LPAR1: variants seen among roughly 807,000 people sequenced by gnomAD.
LPAR1 encodes the protein LPA receptor 1.
LPAR1 carries 5 observed loss-of-function variants against 23.8 expected under a neutral mutation model. The observed-to-expected ratio is 0.21, with a 90% CI of 0.11 to 0.44. LPAR1 has a LOEUF of 0.44. Ranked by LOEUF, LPAR1 falls within the 20% of genes least tolerant of loss-of-function variation. The pLI is 0.99. For missense variants in LPAR1, 311 were observed against 482.8 expected, an observed-to-expected ratio of 0.64 and a Z score of 3.33; for synonymous variants, 160 against 164.7, an observed-to-expected ratio of 0.97 and a Z score of 0.22.
At chr9:110,934,354 T>A (rs538262996) in intron 5 of LPAR1, 4 of 152,074 alleles carry the variant, frequency 2.6e-5, no homozygotes, top group African/African-American at 9.7e-5. Flanking sequence ...CACTCGCCAC[T>A]CCCTTTAATG....
intron 2 of LPAR1, among the ~76,000 whole-genome samples, chr9:111,032,721 T>C (rs1588961117): frequency 6.6e-6 from 1 of 152,326 alleles, no homozygotes; most frequent in Middle Eastern, 3.4e-3. Context: ...ATCTAGAGCA[T>C]TGTTTAGACA....
intron 4 of LPAR1, among the ~76,000 whole-genome samples, chr9:110,966,588 C>T (rs1210058678): frequency 6.6e-6 from 1 of 151,660 alleles, no homozygotes; most frequent in Non-Finnish European, 1.5e-5. Context: ...ACATGTATCC[C>T]AGAACTTAAA....
intron 5 of LPAR1, among the ~76,000 whole-genome samples, chr9:110,913,895 G>C (rs545958803): frequency 2.9e-4 from 44 of 152,126 alleles, no homozygotes; most frequent in Non-Finnish European, 2.1e-4. Context: ...AAGTTCAATG[G>C]GTGCCTGCTA....
At chr9:110,877,852 T>A (rs547116) in intron 5 of LPAR1, among the ~76,000 whole-genome samples, 61,862 of 152,022 alleles carry the variant, frequency 0.41, 12,858 homozygotes, top group East Asian at 0.55. Flanking sequence ...CTTTATTCTC[T>A]CATACTTAAG....
intron 2 of LPAR1, among the ~76,000 whole-genome samples, chr9:111,030,045 CAA>C (rs56962960): frequency 0.036 from 2,673 of 75,204 alleles, 26 homozygotes; most frequent in African/African-American, 0.088. Flanking sequence ...GGCTCTGCCT[CAA>C]AAAAAAAAAA....
chr9:110,965,732 G>C lies in LPAR1; in HGVS notation c.45+6341C>G, dbSNP rs184787614. 7.2e-4 allele frequency among the ~76,000 whole-genome samples: 109 copies of C among 152,300 alleles called. 1 individual carries two copies. In the East Asian group the frequency reaches 0.014, roughly 19 times the overall value. On this transcript the variant is annotated intron_variant, in intron 4 of 5. Transcript: ENST00000683809. The stretch of plus-strand genomic sequence containing the variant: ...AGTGTGGTGATTCCTCAAGGATGTA[G>C]AACCAGAAATACCATCTGACCCAGC...
At chr9:111,026,355 T>C (rs565961121) in intron 2 of LPAR1, among the ~76,000 whole-genome samples, 8 of 152,366 alleles carry the variant, frequency 5.3e-5, no homozygotes, top group African/African-American at 1.9e-4. Flanking sequence ...TAGGAATGCT[T>C]GTGATTTTTG....
chr9:110,876,501 A>G (rs1034061853), intron 5 of LPAR1, among the ~76,000 whole-genome samples: 9 of 152,222 alleles, frequency 5.9e-5, no homozygotes, highest in African/African-American at 2.2e-4. Flanking sequence ...AGAAACTAAT[A>G]TCCCCATTGT....
At chr9:110,987,278 T>C (rs2096802381) in intron 2 of LPAR1, among the ~76,000 whole-genome samples, 1 of 151,558 alleles carries the variant, frequency 6.6e-6, no homozygotes, top group Admixed American at 6.6e-5. Context: ...ATTCAACTAT[T>C]ATATATCTAT....
At chr9:110,972,385 C>T (rs2096452306) in intron 3 of LPAR1, among the ~76,000 whole-genome samples, 165 bp from the exon 4 acceptor site, 1 of 152,190 alleles carries the variant, frequency 6.6e-6, no homozygotes. Context: ...AAAGCCACGA[C>T]TTCTGTGCTA....
chr9:111,021,963 C>CAAA (rs3030187), intron 2 of LPAR1, among the ~76,000 whole-genome samples: 14 of 69,842 alleles, frequency 2.0e-4, no homozygotes, highest in African/African-American at 5.2e-4. Flanking sequence ...GACTCCGTCA[C>CAAA]AAAAAAAAAA....
chr9:110,954,260 G>A (rs1377164455), intron 4 of LPAR1, among the ~76,000 whole-genome samples: 1 of 151,906 alleles, frequency 6.6e-6, no homozygotes, highest in Non-Finnish European at 1.5e-5. Flanking sequence ...CATAACCCAG[G>A]CAGACCAAAA....
rs769282124 is a variant in LPAR1, at chr9:110,941,477, G to A, written c.737C>T (p.Pro246Leu). 1 of 1,613,956 alleles carries A rather than the reference G, an allele frequency of 6.2e-7. No homozygotes were observed. Among genetic ancestry groups the A allele is most frequent in the Non-Finnish European group, 8.5e-7 (1 of 1,179,938 alleles). Residue 246 changes from proline to leucine, a missense_variant, in exon 5 of 6, where the codon CCC becomes CTC. Physicochemically the swap from Pro to Leu is moderately conservative, Grantham distance 98. Around this residue, in one of 2 missense-constraint regions of LPAR1, gnomAD observed 250 missense variants for 427.2 expected, o/e 0.59. Transcript: ENST00000683809. This position sits in a 1 kb window ranked among gnomAD's most constrained non-coding sequence, Gnocchi z 6.1. ...CATCATGGTATCCCGATTCCGCCGG[G>A]GTCCAGAACTATGCCGAGACATTCT... Reference protein sequence around the residue: ...TMRMSRHSSGPRRNRDTMMSL... With the variant: ...TMRMSRHSSGLRRNRDTMMSL...
chr9:110,901,387 G>T (rs147926414), intron 5 of LPAR1, among the ~76,000 whole-genome samples: 1 of 152,150 alleles, frequency 6.6e-6, no homozygotes, highest in Non-Finnish European at 1.5e-5. Context: ...GCATGTATTA[G>T]TCTGTTCTCA....
At chr9:110,942,786 G>A (rs2095197081) in intron 4 of LPAR1, among the ~76,000 whole-genome samples, 1 of 152,092 alleles carries the variant, frequency 6.6e-6, no homozygotes, top group African/African-American at 2.4e-5. Context: ...AACTCCTTAA[G>A]TTCAGAATAG....
intron 5 of LPAR1, among the ~76,000 whole-genome samples, chr9:110,888,055 C>T (rs764522120): frequency 2.6e-5 from 4 of 152,198 alleles, no homozygotes; most frequent in Non-Finnish European, 4.4e-5. Context: ...GATACCAAGT[C>T]ATCAGATGCC....
intron 5 of LPAR1, among the ~76,000 whole-genome samples, chr9:110,933,560 A>T (rs1015991322): frequency 6.6e-6 from 1 of 152,204 alleles, no homozygotes; most frequent in African/African-American, 2.4e-5. Context: ...ACTCGTAAGC[A>T]AGGAGCCAGG....
At chr9:110,959,039 G>A (rs1231169161) in intron 4 of LPAR1, among the ~76,000 whole-genome samples, 26 of 150,320 alleles carry the variant, frequency 1.7e-4, no homozygotes, top group Admixed American at 3.3e-4. Context: ...AGCCAGAATG[G>A]CTATTATTAA....
chr9:110,930,053 T>G (rs1478605995), intron 5 of LPAR1, among the ~76,000 whole-genome samples: 1 of 152,180 alleles, frequency 6.6e-6, no homozygotes. Context: ...TTCTGAAACC[T>G]CAACCAGGCC....
Sources: allele counts gnomAD v4.1 joint callset (sites outside exome capture counted in the v4.1 genomes callset), GRCh38; gene constraint gnomAD v4.1.1; regional missense constraint gnomAD v4.1.1; non-coding constraint Gnocchi (gnomAD v3.1); transcripts MANE v1.5; gene names NCBI Gene and HGNC (gene_info 2026-07-23, HGNC 2026-07-21).